C5: variants seen among roughly 807,000 people sequenced by gnomAD.
The protein encoded by C5 is complement C5, also known as C3 and PZP-like alpha-2-macroglobulin domain-containing protein 4.
A neutral mutation model predicts 218.8 loss-of-function variants in C5; 140 were observed. The ratio of observed to expected loss-of-function variants is 0.64; its 90% CI spans 0.56 to 0.74. C5 has a LOEUF of 0.74. C5 is among the 30% of genes least tolerant of loss of function. C5 has a pLI of 0.00. For synonymous variants in C5, 614 were observed against 682.3 expected (o/e 0.90, Z 1.56); for missense variants, 1,700 against 1,969.6 (o/e 0.86, Z 2.59).
intron 17 of C5, 137 bp downstream of exon 17, chr9:121,013,736 T>C (rs542557143): frequency 3.8e-5 from 31 of 820,274 alleles, no homozygotes; most frequent in Middle Eastern, 3.0e-4. Flanking sequence ...AGGATTTTTT[T>C]TTCTTATGGA....
chr9:121,008,124 T>G (rs979182743), intron 18 of C5, among the ~76,000 whole-genome samples: 1 of 152,224 alleles, frequency 6.6e-6, no homozygotes, highest in Admixed American at 6.5e-5. Flanking sequence ...CTTAATATAG[T>G]GTATCGCACA....
the C5 span, among the ~76,000 whole-genome samples, chr9:121,061,456 G>A: frequency 2.9e-3 from 441 of 152,214 alleles, 2 homozygotes; most frequent in Admixed American, 9.2e-3. Flanking sequence ...GCTGAGGCAC[G>A]AGAATTGCTT....
At position 121,005,929 on chromosome 9, in the gene C5, G is replaced by A. The variant is rs778011991; in HGVS notation, c.2552C>T (p.Ser851Phe). 6.2e-7 allele frequency: 1 copy of A among 1,613,448 alleles called. No individual in the cohort carries two copies. The highest frequency in any genetic ancestry group is 1.1e-5 in the South Asian group (1 of 91,062). The change falls in exon 20 of 41, where the codon TCT (serine) becomes TTT (phenylalanine). Residue 851 changes from serine to phenylalanine, a missense_variant. Physicochemically the swap from Ser to Phe is radical, Grantham distance 155 (BLOSUM62 -2). Coordinates refer to ENST00000223642, the MANE Select transcript of C5 (RefSeq NM_001735.3). ...LKGTVYNYRT[S>F]GMQFCVKMSA... The stretch of plus-strand genomic sequence containing the variant: ...TTAACACCTACTTACCTGCATCCCA[G>A]AAGTCCTATAGTTGTAAACAGTTCC...
intron 9 of C5, among the ~76,000 whole-genome samples, chr9:121,024,095 C>G (rs1265287634): frequency 6.8e-6 from 1 of 147,174 alleles, no homozygotes; most frequent in African/African-American, 2.5e-5. Context: ...TGGTATATGC[C>G]TGTAATCTCA....
intron 27 of C5, among the ~76,000 whole-genome samples, chr9:120,980,533 G>A (rs1227188216): frequency 6.6e-6 from 1 of 152,180 alleles, no homozygotes; most frequent in African/African-American, 2.4e-5. Context: ...TAGTTTCTGA[G>A]TACACCGTCA....
chr9:120,974,752 A>G, intron 30 of C5, 27 bp downstream of exon 30: 1 of 1,598,374 alleles, frequency 6.3e-7, no homozygotes, highest in South Asian at 1.1e-5. Context: ...GCCAATTGTA[A>G]AATACTACAG....
At chr9:121,044,948 CTTTTTTTT>C (rs1158658235) in intron 2 of C5, among the ~76,000 whole-genome samples, 1 of 127,834 alleles carries the variant, frequency 7.8e-6, no homozygotes, top group Non-Finnish European at 1.7e-5. Flanking sequence ...GTAACACTTT[CTTTTTTTT>C]TTTTTTTTTT....
intron 30 of C5, among the ~76,000 whole-genome samples, chr9:120,974,092 C>G (rs1189583685): frequency 6.6e-6 from 1 of 152,132 alleles, no homozygotes; most frequent in East Asian, 1.9e-4. Context: ...TAAAATAATG[C>G]AAACACAGTA....
chr9:121,064,599 A>T, the C5 span, among the ~76,000 whole-genome samples: 1 of 152,340 alleles, frequency 6.6e-6, no homozygotes, highest in South Asian at 2.1e-4. Context: ...CAAATAATTT[A>T]TCAACTTTAA....
chr9:121,002,486 C>T (rs924116362), intron 20 of C5, among the ~76,000 whole-genome samples: 13 of 151,538 alleles, frequency 8.6e-5, no homozygotes, highest in African/African-American at 3.2e-4. Context: ...ATTTATGTGT[C>T]TATCTCAAAT....
At chr9:121,002,994 A>T (rs1405620957) in intron 20 of C5, among the ~76,000 whole-genome samples, 1 of 152,152 alleles carries the variant, frequency 6.6e-6, no homozygotes, top group Non-Finnish European at 1.5e-5. Flanking sequence ...TTATTTCTGT[A>T]AAAATAAGAT....
intron 3 of C5, among the ~76,000 whole-genome samples, chr9:121,039,537 T>C (rs956178718): frequency 6.6e-6 from 1 of 152,096 alleles, no homozygotes; most frequent in African/African-American, 2.4e-5. Flanking sequence ...CTTGGGATGC[T>C]GAGGCTGGAG....
At chr9:120,960,707 G>A (rs751522166) in intron 37 of C5, among the ~76,000 whole-genome samples, 1 of 152,158 alleles carries the variant, frequency 6.6e-6, no homozygotes, top group African/African-American at 2.4e-5. Context: ...TAGTGTTAGC[G>A]TATTTTATGT....
At chr9:120,986,867 A>T (rs554472644) in intron 25 of C5, among the ~76,000 whole-genome samples, 1 of 152,152 alleles carries the variant, frequency 6.6e-6, no homozygotes, top group Non-Finnish European at 1.5e-5. Flanking sequence ...TCAGCCTCCC[A>T]AAGTGCTAGG....
At chr9:121,068,659 C>A in the C5 span, among the ~76,000 whole-genome samples, 2 of 152,118 alleles carry the variant, frequency 1.3e-5, no homozygotes, top group Admixed American at 1.3e-4. Context: ...ACAAAGGAAC[C>A]CAAATGGCCA....
At chr9:121,010,072 C>A (rs1318404337) in intron 17 of C5, among the ~76,000 whole-genome samples, 1 of 152,196 alleles carries the variant, frequency 6.6e-6, no homozygotes, top group Non-Finnish European at 1.5e-5. Flanking sequence ...ACTTGAGGGG[C>A]AGTCTAGGCC....
At chr9:121,063,882 A>G in the C5 span, among the ~76,000 whole-genome samples, 21 of 152,288 alleles carry the variant, frequency 1.4e-4, no homozygotes, top group Admixed American at 1.2e-3. Flanking sequence ...GAAAATTATA[A>G]AAAGATAAGG....
intron 2 of C5, among the ~76,000 whole-genome samples, chr9:121,045,392 T>G (rs969385050): frequency 6.6e-6 from 1 of 152,146 alleles, no homozygotes; most frequent in Non-Finnish European, 1.5e-5. Context: ...CGGTACAATC[T>G]TATGCTTATG....
intron 2 of C5, among the ~76,000 whole-genome samples, chr9:121,045,855 C>G (rs879266762): frequency 2.6e-5 from 4 of 152,050 alleles, no homozygotes; most frequent in Non-Finnish European, 5.9e-5. Flanking sequence ...TAAAATCATA[C>G]TCATATTTCT....
Sources: gnomAD v4.1 joint callset for allele counts (sites outside exome capture counted in the v4.1 genomes callset) on GRCh38, gnomAD v4.1.1 for gene constraint, MANE v1.5 for transcripts, NCBI Gene and HGNC (gene_info 2026-07-23, HGNC 2026-07-21) for gene names.